Variants in KLRG1 observed in about 807,000 individuals in gnomAD.
The protein encoded by KLRG1 is killer cell lectin like receptor G1, also known as killer cell lectin-like receptor subfamily G member 1.
Under a neutral mutation model 21.8 loss-of-function variants are expected in KLRG1, and 16 were observed. That is an observed-to-expected ratio of 0.73 (90% CI 0.50 to 1.11). The LOEUF (loss-of-function observed/expected upper bound fraction) is 1.11, where lower values mean the gene tolerates loss of function less well. Among genes scored for constraint, KLRG1 ranks in the 50% most tolerant of loss-of-function variants. The pLI is 0.00. For missense variants in KLRG1, 173 were observed against 218.3 expected, an observed-to-expected ratio of 0.79 and a Z score of 1.31; for synonymous variants, 69 against 75.9, an observed-to-expected ratio of 0.91 and a Z score of 0.47.
the KLRG1 span, among the ~76,000 whole-genome samples, chr12:9,207,603 T>C: frequency 1.3e-5 from 2 of 152,154 alleles, no homozygotes; most frequent in Non-Finnish European, 2.9e-5. Flanking sequence ...ACTTCAACAG[T>C]GCATGCCAGC....
intron 3 of KLRG1, among the ~76,000 whole-genome samples, chr12:9,006,356 C>T (rs762125798): frequency 1.2e-4 from 18 of 152,138 alleles, no homozygotes; most frequent in Non-Finnish European, 1.8e-4. Flanking sequence ...ACCTGATTGA[C>T]AGCCATGTAG....
chr12:9,102,653 G>C, the KLRG1 span, among the ~76,000 whole-genome samples: 1 of 152,022 alleles, frequency 6.6e-6, no homozygotes, highest in African/African-American at 2.4e-5. Flanking sequence ...TTCATCCCCA[G>C]CTCCCAATAG....
chr12:8,989,474 A>T, upstream of KLRG1: 1 of 569,592 alleles, frequency 1.8e-6, no homozygotes, highest in East Asian at 3.1e-5. Context: ...TAATTTCTAT[A>T]GGCAGCCCCC....
chr12:9,079,526 GC>G, the KLRG1 span: 1 of 1,110,738 alleles, frequency 9.0e-7, no homozygotes, highest in Non-Finnish European at 1.3e-6. Context: ...TATCATAGCA[GC>G]TATCATAGTG....
chr12:9,017,676 C>T, the KLRG1 span, among the ~76,000 whole-genome samples: 59 of 152,220 alleles, frequency 3.9e-4, no homozygotes, highest in African/African-American at 1.3e-3. Context: ...TGGGGAAAAC[C>T]TGAAATTGTC....
the KLRG1 span, among the ~76,000 whole-genome samples, chr12:9,040,448 G>C: frequency 6.6e-6 from 1 of 152,118 alleles, no homozygotes; most frequent in South Asian, 2.1e-4. Context: ...TCTATAAGAA[G>C]GACACTTTCA....
the KLRG1 span, among the ~76,000 whole-genome samples, chr12:9,213,265 T>C: frequency 6.6e-6 from 1 of 152,352 alleles, no homozygotes; most frequent in Admixed American, 6.5e-5. Flanking sequence ...TTAGCTATTG[T>C]GAATAATTCT....
chr12:9,000,690 G>A (rs1947280384), intron 3 of KLRG1, among the ~76,000 whole-genome samples: 1 of 152,162 alleles, frequency 6.6e-6, no homozygotes, highest in Admixed American at 6.5e-5. Context: ...CCGTGTTGTA[G>A]CATGTATCAA....
chr12:9,025,019 T>TGAA, the KLRG1 span, among the ~76,000 whole-genome samples: 1 of 152,180 alleles, frequency 6.6e-6, no homozygotes, highest in East Asian at 1.9e-4. Flanking sequence ...AGGGAGCACT[T>TGAA]ACTAGAACAA....
chr12:9,113,558 G>A, the KLRG1 span: 1 of 1,609,152 alleles, frequency 6.2e-7, no homozygotes, highest in African/African-American at 1.3e-5. Flanking sequence ...GAATGAGACG[G>A]TTCAGTTAGA....
the KLRG1 span, chr12:9,200,302 C>T: frequency 8.8e-7 from 1 of 1,140,868 alleles, no homozygotes. Context: ...AATTTTGTAC[C>T]TACATAATCC....
chr12:9,201,205 G>C, the KLRG1 span: 1 of 1,321,222 alleles, frequency 7.6e-7, no homozygotes, highest in East Asian at 2.3e-5. Context: ...CCTGACAACT[G>C]GGAGTAGGAG....
the KLRG1 span, among the ~76,000 whole-genome samples, chr12:9,063,108 G>A: frequency 6.6e-6 from 1 of 152,266 alleles, no homozygotes; most frequent in East Asian, 1.9e-4. Context: ...GGCCTCAAAT[G>A]ATCCTCCTGC....
chr12:9,013,632 CAAGAG>C (rs1210398057), downstream of KLRG1, among the ~76,000 whole-genome samples: 1 of 152,100 alleles, frequency 6.6e-6, no homozygotes, highest in Non-Finnish European at 1.5e-5. Flanking sequence ...TGGCAGCAGA[CAAGAG>C]AAGAGAACTT....
At chr12:9,080,010 T>A in the KLRG1 span, 1 of 1,001,344 alleles carries the variant, frequency 1.0e-6, no homozygotes. Context: ...ATTATAGTAT[T>A]ATTTTTAGTA....
the KLRG1 span, among the ~76,000 whole-genome samples, chr12:9,181,772 AT>A: frequency 6.6e-6 from 1 of 152,098 alleles, no homozygotes; most frequent in African/African-American, 2.4e-5. Context: ...CACAAAACTG[AT>A]TGTATTTTAT....
At chr12:9,091,205 A>T in the KLRG1 span, 1 of 1,613,366 alleles carries the variant, frequency 6.2e-7, no homozygotes, top group Non-Finnish European at 8.5e-7. Flanking sequence ...CCTTACCCGG[A>T]TGCATTTGGG....
the KLRG1 span, chr12:9,107,743 CTG>C: frequency 7.2e-7 from 1 of 1,381,886 alleles, no homozygotes; most frequent in Non-Finnish European, 1.0e-6. Flanking sequence ...TATTCCCTGT[CTG>C]TACTTCCCTC....
At chr12:9,203,651 T>C in the KLRG1 span, 1 of 1,287,798 alleles carries the variant, frequency 7.8e-7, no homozygotes, top group Non-Finnish European at 1.1e-6. Context: ...CCTGAAGTCC[T>C]AACTACATTC....
Sources: gnomAD v4.1 joint callset for allele counts (sites outside exome capture counted in the v4.1 genomes callset) on GRCh38, gnomAD v4.1.1 for gene constraint, MANE v1.5 for transcripts, NCBI Gene and HGNC (gene_info 2026-07-23, HGNC 2026-07-21) for gene names.